Variants in RBFOX1 observed in about 807,000 individuals in gnomAD.
The protein encoded by RBFOX1 is RNA binding protein fox-1 homolog 1.
In RBFOX1, 8 loss-of-function variants were observed where a neutral mutation model predicts 57.7. The ratio of observed to expected loss-of-function variants is 0.14; its 90% confidence interval spans 0.08 to 0.25. The LOEUF is 0.25. RBFOX1 is among the 10% of genes least tolerant of loss of function. The pLI is 1.00. For synonymous variants in RBFOX1, 326 were observed against 222.4 expected (o/e 1.47, Z -4.15); for missense variants, 611 against 548.5 (o/e 1.11, Z -1.14).
chr16:5,595,672 C>T (rs1202462422), intron 2 of RBFOX1, among the ~76,000 whole-genome samples: 1 of 152,194 alleles, frequency 6.6e-6, no homozygotes, highest in Non-Finnish European at 1.5e-5. Context: ...AAAACCAGAA[C>T]AGTATCAGAC....
intron 4 of RBFOX1, among the ~76,000 whole-genome samples, chr16:5,917,334 G>A (rs567753172): frequency 2.6e-5 from 4 of 152,260 alleles, no homozygotes; most frequent in South Asian, 2.1e-4. Flanking sequence ...GCCCACCACC[G>A]GACATGCTGC....
intron 2 of RBFOX1, among the ~76,000 whole-genome samples, chr16:5,501,318 C>CAAAAAAAAAAAAAAAAAAAAAAA (rs1160788118): frequency 3.1e-5 from 2 of 64,894 alleles, no homozygotes; most frequent in Non-Finnish European, 3.2e-5. Context: ...ACTCTGTCTA[C>CAAAAAAAAAAAAAAAAAAAAAAA]AAAAAAAAAA....
At chr16:5,636,293 A>C (rs1318263128) in intron 3 of RBFOX1, among the ~76,000 whole-genome samples, 1 of 152,228 alleles carries the variant, frequency 6.6e-6, no homozygotes, top group Admixed American at 6.5e-5. Context: ...AGTTGCAGTG[A>C]GCCAAGATTG....
chr16:7,021,584 A>G (rs956385263), intron 3 of RBFOX1, among the ~76,000 whole-genome samples: 2 of 145,892 alleles, frequency 1.4e-5, no homozygotes, highest in South Asian at 2.1e-4. Context: ...TAAAATATAT[A>G]AAAGTAAAAT....
At chr16:6,829,324 A>G (rs1342456664) in intron 3 of RBFOX1, among the ~76,000 whole-genome samples, 2 of 152,078 alleles carry the variant, frequency 1.3e-5, no homozygotes, top group Non-Finnish European at 2.9e-5. Context: ...AAATACATAT[A>G]TAAGGAGGCA....
intron 2 of RBFOX1, among the ~76,000 whole-genome samples, chr16:6,416,676 G>C (rs767302784): frequency 1.4e-4 from 22 of 152,080 alleles, no homozygotes; most frequent in Non-Finnish European, 2.6e-4. Context: ...GGGAGAATAT[G>C]CCATTTCCAC....
intron 3 of RBFOX1, among the ~76,000 whole-genome samples, chr16:6,711,075 G>T (rs541279946): frequency 2.0e-5 from 3 of 152,164 alleles, no homozygotes; most frequent in African/African-American, 7.2e-5. Context: ...CAAAACTCTG[G>T]AGTCTTTCTT....
chr16:7,545,609 A>G (rs1018401018), intron 5 of RBFOX1, among the ~76,000 whole-genome samples: 1 of 152,084 alleles, frequency 6.6e-6, no homozygotes, highest in Non-Finnish European at 1.5e-5. Flanking sequence ...CTCAGTCTCC[A>G]CTTCTTTCCA....
chr16:6,697,851 G>A (rs1052343316), intron 3 of RBFOX1, among the ~76,000 whole-genome samples: 1 of 152,268 alleles, frequency 6.6e-6, no homozygotes, highest in East Asian at 1.9e-4. Context: ...AGGGACACCA[G>A]ATCTGCCCAG....
chr16:6,227,718 C>G (rs1235134220), intron 1 of RBFOX1, among the ~76,000 whole-genome samples: 2 of 152,162 alleles, frequency 1.3e-5, no homozygotes, highest in Non-Finnish European at 2.9e-5. Flanking sequence ...TCAAGAATAG[C>G]TGAAGTAGCT....
At chr16:7,710,572 G>A (rs376952728) in intron 15 of RBFOX1, 51 bp from the exon 16 acceptor site, 18 of 1,607,054 alleles carry the variant, frequency 1.1e-5, no homozygotes, top group African/African-American at 8.1e-5. Flanking sequence ...TGATCCACAT[G>A]TTGCAAAAGG....
At position 6,379,126 on chromosome 16, in the gene RBFOX1, G is replaced by A. The variant is rs189477379; in HGVS notation, c.-64+62069G>A. Among the ~76,000 whole-genome samples, 314 of 152,136 alleles carry A rather than the reference G, an allele frequency of 2.1e-3. 1 individual carries two copies. The highest frequency in any genetic ancestry group is 7.0e-3 in the African/African-American group (290 of 41,508). On this transcript the variant is annotated intron_variant, in intron 2 of 15. Coordinates refer to ENST00000550418, the MANE Select transcript of RBFOX1 (RefSeq NM_018723.4). ...TTTGAGTGGATGGGGGTGACTTGCC[G>A]AAAATAAAGAATGGTTTGAGAAGAA...
At chr16:6,701,622 T>C (rs953745928) in intron 3 of RBFOX1, among the ~76,000 whole-genome samples, 1 of 152,046 alleles carries the variant, frequency 6.6e-6, no homozygotes, top group Admixed American at 6.6e-5. Flanking sequence ...AGGCTCTTTA[T>C]AAAAATCACA....
intron 4 of RBFOX1, among the ~76,000 whole-genome samples, chr16:7,342,762 A>G (rs2096922626): frequency 6.6e-6 from 1 of 152,038 alleles, no homozygotes; most frequent in African/African-American, 2.4e-5. Flanking sequence ...TGAAACCACC[A>G]TCCTCTTTCC....
At chr16:7,417,901 G>C (rs2098500019) in intron 4 of RBFOX1, among the ~76,000 whole-genome samples, 1 of 152,104 alleles carries the variant, frequency 6.6e-6, no homozygotes, top group Non-Finnish European at 1.5e-5. Context: ...TTTTCCTGCA[G>C]ATGTATTGGG....
intron 3 of RBFOX1, among the ~76,000 whole-genome samples, chr16:6,842,364 C>T (rs891348372): frequency 7.2e-5 from 11 of 151,996 alleles, no homozygotes; most frequent in African/African-American, 2.7e-4. Context: ...ACTTTGTGCA[C>T]ATATAGAGAA....
At chr16:6,015,890 G>T (rs149553142), upstream of RBFOX1, among the ~76,000 whole-genome samples, 1 of 152,164 alleles carries the variant, frequency 6.6e-6, no homozygotes, top group African/African-American at 2.4e-5. Flanking sequence ...TACGCTTCTC[G>T]AGTGCAGAAA....
chr16:7,107,406 A>G (rs145805907), intron 4 of RBFOX1, among the ~76,000 whole-genome samples: 1 of 152,206 alleles, frequency 6.6e-6, no homozygotes, highest in Admixed American at 6.5e-5. Flanking sequence ...GCTGGACCTC[A>G]CCTTAGGATT....
intron 11 of RBFOX1, among the ~76,000 whole-genome samples, 179 bp from the exon 12 acceptor site, chr16:7,653,636 G>C (rs551153189): frequency 6.6e-6 from 1 of 152,274 alleles, no homozygotes; most frequent in African/African-American, 2.4e-5. Context: ...CATCCTCTCT[G>C]GAGTCCCACC....
Sources: allele counts gnomAD v4.1 joint callset (sites outside exome capture counted in the v4.1 genomes callset), GRCh38; gene constraint gnomAD v4.1.1; transcripts MANE v1.5; gene names NCBI Gene and HGNC (gene_info 2026-07-23, HGNC 2026-07-21).